The following FCF1 variants were observed in gnomAD, a reference collection of about 807,000 sequenced individuals.
FCF1 encodes the protein FCF1 rRNA-processing protein.
A neutral mutation model predicts 32.5 loss-of-function variants in FCF1; 17 were observed. The observed-to-expected ratio is 0.52, with a 90% CI of 0.36 to 0.78. The LOEUF (loss-of-function observed/expected upper bound fraction) is 0.78, where lower values mean the gene tolerates loss of function less well. Ranked by LOEUF, FCF1 falls within the 30% of genes least tolerant of loss-of-function variation. The pLI is 0.00. For missense variants in FCF1, 201 were observed against 241.1 expected (o/e 0.83, Z 1.10); for synonymous variants, 84 against 78.4 (o/e 1.07, Z -0.38).
At chr14:74,717,591 T>G (rs1457828852) in intron 4 of FCF1, among the ~76,000 whole-genome samples, 1 of 152,222 alleles carries the variant, frequency 6.6e-6, no homozygotes, top group East Asian at 1.9e-4. Context: ...TAATCTAAAG[T>G]TGAGGTGCTA....
intron 5 of FCF1, among the ~76,000 whole-genome samples, chr14:74,730,973 G>T (rs1227939759): frequency 1.3e-5 from 2 of 152,018 alleles, no homozygotes. Context: ...ACTCCAGTCT[G>T]GGTGACAGAA....
chr14:74,713,315 G>C (rs2090358487), intron 1 of FCF1, 115 bp downstream of exon 1: 3 of 1,606,844 alleles, frequency 1.9e-6, no homozygotes, highest in Admixed American at 1.7e-5. Context: ...TTTCATTCTG[G>C]TCTTAGCTCT....
intron 4 of FCF1, among the ~76,000 whole-genome samples, chr14:74,716,693 G>A (rs912595690): frequency 6.6e-6 from 1 of 152,156 alleles, no homozygotes; most frequent in East Asian, 1.9e-4. Flanking sequence ...ACCATGAACA[G>A]GAAAAAGAAA....
chr14:74,720,101 C>A (rs190231583), intron 4 of FCF1, among the ~76,000 whole-genome samples: 2 of 152,070 alleles, frequency 1.3e-5, no homozygotes, highest in Non-Finnish European at 2.9e-5. Context: ...AAGATCGTGC[C>A]ATTGCAAGAG....
intron 4 of FCF1, among the ~76,000 whole-genome samples, chr14:74,722,004 A>C (rs2090510040): frequency 6.6e-6 from 1 of 151,634 alleles, no homozygotes; most frequent in Non-Finnish European, 1.5e-5. Flanking sequence ...TATACCTACA[A>C]ACTTAGTATG....
chr14:74,735,274 A>C lies in FCF1; in HGVS notation c.*344A>C. The C allele has an allele frequency of 5.1e-6, 1 of 195,886 alleles. No individual in the cohort carries two copies. Among genetic ancestry groups the C allele is most frequent in the South Asian group, 1.0e-4 (1 of 9,730 alleles). 12.1% of individuals were successfully genotyped at this position (195,886 alleles called of 1,614,324 possible). On this transcript the variant is annotated 3_prime_UTR_variant, in exon 8 of 8. Transcript: ENST00000341162. ...AAGGAAAATCATGTTTTACGACTTG[A>C]GTTTATCTGTCTAGTTACCTTGCAG...
chr14:74,732,861 A>C (rs746390622), intron 6 of FCF1, 43 bp downstream of exon 6: 1 of 1,192,388 alleles, frequency 8.4e-7, no homozygotes, highest in Non-Finnish European at 1.2e-6. Context: ...TTAAAAAAAA[A>C]AAATGTAAAC....
Position 74,738,079 on chromosome 14 carries a change from C to T in FCF1, c.*3149C>T, listed in dbSNP as rs1308943251. ...AAAATATTTCAAGTGGATCAAAGAC[C>T]TAAATTTTTTTTTTTTTTGAGACAG... On this transcript the variant is annotated 3_prime_UTR_variant, in exon 8 of 8. Coordinates refer to ENST00000341162, the MANE Select transcript of FCF1 (RefSeq NM_015962.5). The T allele has an allele frequency of 1.3e-5, 2 of 151,346 alleles. No individual in the cohort carries two copies. Among genetic ancestry groups the T allele is most frequent in the African/African-American group, 4.9e-5 (2 of 41,134 alleles). The allele number at this position is 151,346 out of a possible 1,614,324, so 9.4% of individuals were successfully genotyped here. A position where few individuals can be genotyped will look rare whatever the true frequency, so the allele number is the denominator to read the frequency against.
chr14:74,724,780 C>T (rs983975204), intron 5 of FCF1, among the ~76,000 whole-genome samples: 3 of 152,050 alleles, frequency 2.0e-5, no homozygotes, highest in African/African-American at 7.2e-5. Flanking sequence ...TGGCATACAC[C>T]TGTAGTCTCA....
chr14:74,713,928 C>T (rs887317473), intron 2 of FCF1, among the ~76,000 whole-genome samples: 1 of 152,060 alleles, frequency 6.6e-6, no homozygotes, highest in Non-Finnish European at 1.5e-5. Flanking sequence ...AGGTTAGAGA[C>T]CTTGTTTGTC....
At chr14:74,727,223 A>G (rs2140033804) in intron 5 of FCF1, among the ~76,000 whole-genome samples, 1 of 152,330 alleles carries the variant, frequency 6.6e-6, no homozygotes, top group East Asian at 1.9e-4. Flanking sequence ...AGTCCTGCCA[A>G]CAGTGTAAAA....
intron 5 of FCF1, among the ~76,000 whole-genome samples, chr14:74,726,225 C>A (rs2090576282): frequency 6.6e-6 from 1 of 151,972 alleles, no homozygotes; most frequent in African/African-American, 2.4e-5. Flanking sequence ...GTGGCTCACT[C>A]CTGTAATCCC....
At chr14:74,715,335 T>C (rs1011312929) in intron 3 of FCF1, among the ~76,000 whole-genome samples, 12 of 152,180 alleles carry the variant, frequency 7.9e-5, no homozygotes, top group African/African-American at 2.7e-4. Flanking sequence ...TATAAAGGTA[T>C]TTCATTCCTT....
intron 6 of FCF1, among the ~76,000 whole-genome samples, chr14:74,733,421 G>T: frequency 6.6e-6 from 1 of 151,410 alleles, no homozygotes; most frequent in Admixed American, 6.6e-5. Flanking sequence ...CCCATGGGGC[G>T]GGTGGGTGGG....
chr14:74,734,986 G>T lies in FCF1; in HGVS notation c.*56G>T. ...TTCGACCAACTTTCTCTTGTTGCCA[G>T]TTCATTACACAAAATGTAGCGGGAT... is the stretch of plus-strand genomic sequence containing the variant. On this transcript the variant is annotated 3_prime_UTR_variant, in exon 8 of 8. Transcript: ENST00000341162. 1 of 1,392,568 alleles carries T rather than the reference G, an allele frequency of 7.2e-7. No homozygotes were observed. Among genetic ancestry groups the T allele is most frequent in the East Asian group, 2.3e-5 (1 of 43,812 alleles). The allele number at this position is 1,392,568 out of a possible 1,614,324, so 86.3% of individuals were successfully genotyped here. A position where few individuals can be genotyped will look rare whatever the true frequency, so the allele number is the denominator to read the frequency against.
At chr14:74,718,764 G>A (rs1433781740) in intron 4 of FCF1, among the ~76,000 whole-genome samples, 3 of 152,044 alleles carry the variant, frequency 2.0e-5, no homozygotes, top group East Asian at 1.9e-4. Context: ...GAGCCACCAC[G>A]CCTGGCCAGT....
intron 5 of FCF1, among the ~76,000 whole-genome samples, chr14:74,725,478 T>C (rs1594787537): frequency 2.1e-5 from 1 of 47,848 alleles, no homozygotes; most frequent in African/African-American, 9.4e-5. Context: ...AGACCCTGTC[T>C]CCAAAAAAAA....
chr14:74,729,149 G>A (rs1408152087), intron 5 of FCF1, among the ~76,000 whole-genome samples: 3 of 152,106 alleles, frequency 2.0e-5, no homozygotes, highest in South Asian at 2.1e-4. Context: ...CTCTTTTTCT[G>A]TTGATTGGAA....
chr14:74,716,245 T>A, intron 4 of FCF1, 146 bp downstream of exon 4: 1 of 711,384 alleles, frequency 1.4e-6, no homozygotes, highest in Non-Finnish European at 2.3e-6. Context: ...TGACCATGTT[T>A]AATGAATTGA....
Sources: allele counts gnomAD v4.1 joint callset (sites outside exome capture counted in the v4.1 genomes callset), GRCh38; gene constraint gnomAD v4.1.1; transcripts MANE v1.5; gene names NCBI Gene and HGNC (gene_info 2026-07-23, HGNC 2026-07-21).